The following FER1L5 variants were observed in gnomAD, a reference collection of about 807,000 sequenced individuals.
FER1L5 encodes fer-1 like family member 5.
A neutral mutation model predicts 279.9 loss-of-function variants in FER1L5; 187 were observed. The observed-to-expected ratio is 0.67, with a 90% confidence interval of 0.59 to 0.75. FER1L5 has a LOEUF of 0.75. Among genes scored for constraint, FER1L5 ranks in the 30% least tolerant of loss-of-function variants. The probability of loss-of-function intolerance (pLI) is 0.00; values close to 1 mark genes in which losing one functional copy is unlikely to be tolerated. For synonymous variants in FER1L5, 921 were observed against 989.7 expected, an observed-to-expected ratio of 0.93 and a Z score of 1.30; for missense variants, 2,091 against 2,594.4, an observed-to-expected ratio of 0.81 and a Z score of 4.21.
At chr2:96,660,041 A>G (rs1028640612) in intron 9 of FER1L5, among the ~76,000 whole-genome samples, 3 of 152,158 alleles carry the variant, frequency 2.0e-5, no homozygotes, top group African/African-American at 7.2e-5. Context: ...ACCCAGGAGT[A>G]GGGTAGAGTT....
chr2:96,657,248 T>A (rs2075637121), intron 9 of FER1L5, among the ~76,000 whole-genome samples: 1 of 151,842 alleles, frequency 6.6e-6, no homozygotes, highest in Admixed American at 6.6e-5. Context: ...CGAATTTTTG[T>A]ATTTTTAGTG....
At position 96,673,241 on chromosome 2, in the gene FER1L5, A is replaced by G. The variant is rs988859475; in HGVS notation, c.1656A>G (p.Pro552=). ...TAGTCTCAAGCACACCGTACAGCCC[A>G]GTGATATATGATGGTAATTGTCAGA... ...KPLVSSTPYS[P]VIYDGNIYHY... is the part of the protein sequence containing the mutation. The change falls in exon 19 of 53, where the codon CCA becomes CCG. Residue 552 remains proline (P), a synonymous_variant. Transcript: ENST00000624922. 3.5e-5 allele frequency: 54 copies of G among 1,550,110 alleles called. No individual in the cohort carries two copies. Among genetic ancestry groups the G allele is most frequent in the Non-Finnish European group, 4.5e-5 (52 of 1,145,874 alleles).
In FER1L5 at chr2:96,702,949, G is replaced by T; in HGVS notation, c.5398-29G>T. On this transcript the variant is annotated intron_variant, in intron 48 of 52. Transcript: ENST00000624922. The surrounding 1 kb of genome is among the most constrained non-coding windows in gnomAD (Gnocchi z 4.0). ...AAGGGAAACGTCCAGGAGACAGGCCGGTAACACGCCCTTCCGCCATTTCCC... is the reference window on the plus strand; with the variant it reads ...AAGGGAAACGTCCAGGAGACAGGCCTGTAACACGCCCTTCCGCCATTTCCC... 6.3e-7 allele frequency: 1 copy of T among 1,594,736 alleles called. No individual in the cohort carries two copies. The highest frequency in any genetic ancestry group is 1.1e-5 in the South Asian group (1 of 88,130).
intron 51 of FER1L5, among the ~76,000 whole-genome samples, 175 bp downstream of exon 51, chr2:96,703,807 G>GC (rs1307223888): frequency 2.5e-4 from 31 of 124,280 alleles, no homozygotes; most frequent in African/African-American, 8.9e-4. Context: ...AGCAAAAGTT[G>GC]CCTTTTTTTT....
rs2077079682 is a variant in FER1L5 at position 96,689,986 on chromosome 2, A to C, written c.2640+228A>C. On this transcript the variant is annotated intron_variant, in intron 26 of 52. Transcript: ENST00000624922. This position sits in a 1 kb window ranked among gnomAD's most constrained non-coding sequence, Gnocchi z 4.6. Reference sequence around the variant, plus strand: ...ACTGAGAAACAACAAAAGGGAGGCAATGTTTCTTCCTAGGCCTCCTTCAAA... The same window carrying C: ...ACTGAGAAACAACAAAAGGGAGGCACTGTTTCTTCCTAGGCCTCCTTCAAA... 6.6e-6 allele frequency among the ~76,000 whole-genome samples: 1 copy of C among 152,252 alleles called. No homozygotes were observed. Among genetic ancestry groups the C allele is most frequent in the Middle Eastern group, 3.4e-3 (1 of 294 alleles).
At position 96,686,360 on chromosome 2, in the gene FER1L5, AGG is replaced by A; in HGVS notation, c.2229+12_2229+13del. 1 of 1,549,308 alleles carries A rather than the reference AGG, an allele frequency of 6.5e-7. No homozygotes were observed. The highest frequency in any genetic ancestry group is 8.7e-7 in the Non-Finnish European group (1 of 1,145,806). On this transcript the variant is annotated intron_variant, in intron 23 of 52. Coordinates refer to ENST00000624922, the MANE Select transcript of FER1L5 (RefSeq NM_001293083.2). Reference sequence around the variant, plus strand: ...GACACTCTTCCTACAGGTGGGAATCAGGGACTCCTCAGGGGAGGACAGGGCTG... The same window carrying A: ...GACACTCTTCCTACAGGTGGGAATCAGACTCCTCAGGGGAGGACAGGGCTG...
At chr2:96,704,395 TG>T in intron 52 of FER1L5, 33 bp downstream of exon 52, 1 of 1,612,778 alleles carries the variant, frequency 6.2e-7, no homozygotes, top group Non-Finnish European at 8.5e-7. Context: ...AGGACAAAGG[TG>T]GTCTCGGGAT....
chr2:96,689,066 G>A lies in FER1L5; in HGVS notation c.2362-147G>A. 1.1e-6 allele frequency: 1 copy of A among 948,506 alleles called. No individual in the cohort carries two copies. The highest frequency in any genetic ancestry group is 3.0e-5 in the Admixed American group (1 of 33,580). The allele number at this position is 948,506 out of a possible 1,614,324, so 58.8% of individuals were successfully genotyped here. A position where few individuals can be genotyped will look rare whatever the true frequency, so the allele number is the denominator to read the frequency against. ...CCTCTGGGCCTCAGTGCCCTCACCT[G>A]TGCAATGGGGACATGGCCCTTTCTT... is the stretch of plus-strand genomic sequence containing the variant. On this transcript the variant is annotated intron_variant, in intron 24 of 52. Transcript: ENST00000624922. This position sits in a 1 kb window ranked among gnomAD's most constrained non-coding sequence, Gnocchi z 4.6.
intron 9 of FER1L5, among the ~76,000 whole-genome samples, chr2:96,659,404 T>TCCTTC (rs2075809517): frequency 1.8e-4 from 1 of 5,684 alleles, no homozygotes; most frequent in Non-Finnish European, 2.7e-4. Flanking sequence ...TTTCTTTCTT[T>TCCTTC]CTTTCTTTCT....
chr2:96,646,758 C>G (rs141863954), intron 2 of FER1L5, among the ~76,000 whole-genome samples: 2 of 152,294 alleles, frequency 1.3e-5, no homozygotes, highest in Non-Finnish European at 2.9e-5. Context: ...AGTGAAGGCT[C>G]CCTGTGCATG....
In FER1L5 at chr2:96,685,413, C is replaced by T; in HGVS notation, c.1879C>T (p.Leu627=). The change falls in exon 21 of 53, where the codon CTG becomes TTG. Residue 627 remains leucine (L), a synonymous_variant. Transcript: ENST00000624922. ...CCAGTGGGAGAAACTGCTGAGGGAG[C>T]TGGCAGAGGACTGCAAGTAGGAGTA... The part of the protein sequence containing the change: ...LYQWEKLLRE[L]AEDCKRPLPC... 1 of 1,550,680 alleles carries T rather than the reference C, an allele frequency of 6.4e-7. No homozygotes were observed. The highest frequency in any genetic ancestry group is 1.2e-5 in the South Asian group (1 of 83,970).
chr2:96,666,254 C>G (rs532414799), intron 14 of FER1L5, among the ~76,000 whole-genome samples: 1 of 148,006 alleles, frequency 6.8e-6, no homozygotes, highest in Non-Finnish European at 1.5e-5. Flanking sequence ...AGATGAGGAA[C>G]CAAGAAGCAG....
At chr2:96,665,969 GAT>G (rs2076112066) in intron 14 of FER1L5, among the ~76,000 whole-genome samples, 1 of 152,064 alleles carries the variant, frequency 6.6e-6, no homozygotes, top group African/African-American at 2.4e-5. Flanking sequence ...AACATTTGAA[GAT>G]GTTCAAACAC....
Position 96,702,157 on chromosome 2 carries a change from GA to G in FER1L5, c.5159+115del. 6.4e-7 allele frequency: 1 copy of G among 1,570,660 alleles called. No individual in the cohort carries two copies. Among genetic ancestry groups the G allele is most frequent in the South Asian group, 1.2e-5 (1 of 86,430 alleles). ...CAGTAATTCGTTTCTCTATTGGGAA[GA>G]GAGGAAGCTCTACTGGGAGCTTTCT... On this transcript the variant is annotated intron_variant, in intron 46 of 52. Transcript: ENST00000624922. The surrounding 1 kb of genome is among the most constrained non-coding windows in gnomAD (Gnocchi z 4.0).
chr2:96,664,436 C>T (rs570122480), intron 14 of FER1L5, among the ~76,000 whole-genome samples: 18 of 152,142 alleles, frequency 1.2e-4, no homozygotes, highest in Non-Finnish European at 2.2e-4. Context: ...GAAATGGAAT[C>T]GTTCAGTAAG....
intron 4 of FER1L5, among the ~76,000 whole-genome samples, chr2:96,649,063 A>G (rs1021151173): frequency 1.3e-5 from 2 of 151,536 alleles, no homozygotes; most frequent in African/African-American, 4.9e-5. Flanking sequence ...GAGGTGGGAG[A>G]GCTTAGGTTG....
intron 14 of FER1L5, among the ~76,000 whole-genome samples, chr2:96,666,640 T>A (rs1193564275): frequency 6.6e-6 from 1 of 151,756 alleles, no homozygotes; most frequent in Non-Finnish European, 1.5e-5. Context: ...ACACATGGAT[T>A]TTTTTCTTTT....
In FER1L5 at chr2:96,686,241, A is replaced by G. The variant is rs371480908; in HGVS notation, c.2120A>G (p.Glu707Gly). ...GTGATGATTTGGCTGGTGGCCAAGGAGCAGCGAGTGGCCTATGCACAGGTG... is the reference window on the plus strand; with the variant it reads ...GTGATGATTTGGCTGGTGGCCAAGGGGCAGCGAGTGGCCTATGCACAGGTG... ...PDVMIWLVAK[E>G]QRVAYAQVPA... Residue 707 changes from glutamate (E) to glycine (G), a missense_variant, in exon 23 of 53, where the codon GAG becomes GGG. By Grantham distance (98) the Glu-to-Gly change is moderately conservative. Transcript: ENST00000624922. 12 of 1,551,440 alleles carry G rather than the reference A, an allele frequency of 7.7e-6. No homozygotes were observed. The African/African-American group carries it at 1.5e-4, about 19-fold the overall frequency.
chr2:96,695,443 T>A (rs1319699586), intron 34 of FER1L5, 66 bp from the exon 35 acceptor site: 8 of 1,498,004 alleles, frequency 5.3e-6, no homozygotes, highest in Non-Finnish European at 6.2e-6. Flanking sequence ...CCCCCTTCTC[T>A]GGCCAGGACC....
Sources: allele counts gnomAD v4.1 joint callset (sites outside exome capture counted in the v4.1 genomes callset), GRCh38; gene constraint gnomAD v4.1.1; non-coding constraint Gnocchi (gnomAD v3.1); transcripts MANE v1.5; gene names NCBI Gene and HGNC (gene_info 2026-07-23, HGNC 2026-07-21).